GRAMD4: variants seen among roughly 807,000 people sequenced by gnomAD.
GRAMD4 encodes GRAM domain containing 4.
A neutral mutation model predicts 83.9 loss-of-function variants in GRAMD4; 25 were observed. The observed-to-expected ratio is 0.30, with a 90% CI of 0.22 to 0.42. GRAMD4 has a LOEUF of 0.42. Ranked by LOEUF, GRAMD4 falls within the 10% of genes least tolerant of loss-of-function variation. GRAMD4 has a pLI of 1.00. For missense variants in GRAMD4, 593 were observed against 788.7 expected (o/e 0.75, Z 2.97); for synonymous variants, 336 against 320.9 (o/e 1.05, Z -0.50).
chr22:46,666,952 G>A (rs772470304), intron 10 of GRAMD4, 79 bp downstream of exon 10: 93 of 1,042,072 alleles, frequency 8.9e-5, no homozygotes, highest in Non-Finnish European at 1.2e-4. Context: ...CACCGCTCGG[G>A]GAAGCCTCTG....
At chr22:46,644,281 A>ACACCTGTCCCTGTTCCG in intron 3 of GRAMD4, among the ~76,000 whole-genome samples, 1 of 147,828 alleles carries the variant, frequency 6.8e-6, no homozygotes, top group South Asian at 2.2e-4. Flanking sequence ...TCCCTGTTCC[A>ACACCTGTCCCTGTTCCG]TGTTACACCT....
chr22:46,668,819 C>T lies in GRAMD4; in HGVS notation c.995C>T (p.Pro332Leu). The change falls in exon 13 of 19, where the codon CCG becomes CTG. Residue 332 changes from proline (P) to leucine (L), a missense_variant. Transcript: ENST00000406902. The stretch of plus-strand genomic sequence containing the variant: ...TCCAGCTTGTTCATGTGGGTCCAGC[C>T]GGAGATCACACAGAAGCTGTATGTG... Reference protein sequence around the residue: ...KIKNLFMWVQPEITQKLYVAL... With the variant: ...KIKNLFMWVQLEITQKLYVAL... 1.2e-6 allele frequency: 2 copies of T among 1,609,650 alleles called. No homozygotes were observed. Among genetic ancestry groups the T allele is most frequent in the Non-Finnish European group, 1.7e-6 (2 of 1,177,684 alleles).
intron 3 of GRAMD4, among the ~76,000 whole-genome samples, chr22:46,639,436 G>T (rs1035023294): frequency 6.6e-6 from 1 of 150,920 alleles, no homozygotes; most frequent in African/African-American, 2.4e-5. Context: ...GTGTGTGTGT[G>T]TCTGCGTGTG....
downstream of GRAMD4, among the ~76,000 whole-genome samples, chr22:46,680,357 G>A (rs565050131): frequency 6.6e-6 from 1 of 151,978 alleles, no homozygotes; most frequent in Non-Finnish European, 1.5e-5. Context: ...AGCCTCCTGT[G>A]CCTCAAGCCC....
upstream of GRAMD4, among the ~76,000 whole-genome samples, chr22:46,618,756 GTGGA>G (rs2147128770): frequency 1.3e-5 from 2 of 152,310 alleles, no homozygotes; most frequent in African/African-American, 4.8e-5. The surrounding 1 kb of genome is among the most constrained non-coding windows in gnomAD (Gnocchi z 5.8). Context: ...GTGGGGAGAG[GTGGA>G]CAGATGTGCA....
rs572582131 is a variant in GRAMD4, at chr22:46,672,835, G to A, written c.1085-8G>A. On this transcript the variant is annotated splice_region_variant and splice_polypyrimidine_tract_variant and intron_variant, in intron 13 of 18. Transcript: ENST00000406902. This position sits in a 1 kb window ranked among gnomAD's most constrained non-coding sequence, Gnocchi z 4.7. The stretch of plus-strand genomic sequence containing the variant: ...CTAGATGGAGCAGGCTGTGTCCCCT[G>A]CCCTCAGGACTCTATGCTGGTATCA... 12 of 1,609,304 alleles carry A rather than the reference G, an allele frequency of 7.5e-6. No homozygotes were observed. The highest frequency in any genetic ancestry group is 1.3e-5 in the African/African-American group (1 of 74,948).
chr22:46,650,935 A>T (rs1016303650), intron 3 of GRAMD4, among the ~76,000 whole-genome samples: 28 of 152,084 alleles, frequency 1.8e-4, no homozygotes, highest in African/African-American at 6.5e-4. Flanking sequence ...GGGCACGCAG[A>T]GTGTCCCCTG....
chr22:46,629,821 C>T (rs946232786), intron 2 of GRAMD4, among the ~76,000 whole-genome samples: 2 of 152,206 alleles, frequency 1.3e-5, no homozygotes, highest in Non-Finnish European at 2.9e-5. Context: ...TTTCCCTTGG[C>T]CACCGGCCCC....
chr22:46,599,890 C>T (rs1423350901), intron 1 of GRAMD4, among the ~76,000 whole-genome samples: 1 of 151,842 alleles, frequency 6.6e-6, no homozygotes, highest in African/African-American at 2.4e-5. Flanking sequence ...GCTTTCCCCA[C>T]GTGGGGACTC....
chr22:46,599,104 C>T (rs1280987379), intron 1 of GRAMD4, among the ~76,000 whole-genome samples: 1 of 152,108 alleles, frequency 6.6e-6, no homozygotes, highest in Non-Finnish European at 1.5e-5. Flanking sequence ...ATCCCAAGTC[C>T]TTGACAGAAC....
At chr22:46,648,379 T>G (rs1435978472) in intron 3 of GRAMD4, among the ~76,000 whole-genome samples, 1 of 146,886 alleles carries the variant, frequency 6.8e-6, no homozygotes, top group African/African-American at 2.6e-5. Context: ...AGTGGATGGA[T>G]AGATGGGTGG....
chr22:46,594,418 C>T (rs2081240762), intron 1 of GRAMD4, among the ~76,000 whole-genome samples: 2 of 152,142 alleles, frequency 1.3e-5, no homozygotes, highest in Admixed American at 1.3e-4. Context: ...AATGCAAGCA[C>T]ATGGGTGTGA....
Position 46,620,621 on chromosome 22 carries a change from G to A in GRAMD4, c.-50+56G>A. On this transcript the variant is annotated intron_variant, in intron 1 of 18. Coordinates refer to ENST00000406902, the MANE Select transcript of GRAMD4 (RefSeq NM_015124.5). This position sits in a 1 kb window ranked among gnomAD's most constrained non-coding sequence, Gnocchi z 4.7. ...CATGGTAGGGCCCATCTGAGTGGAA[G>A]CCCCAGCCTTGGGAAAAGCTGCTAC... The A allele has an allele frequency of 1.5e-6, 1 of 673,528 alleles. No individual in the cohort carries two copies. The highest frequency in any genetic ancestry group is 1.8e-6 in the Non-Finnish European group (1 of 543,806). 41.7% of individuals were successfully genotyped at this position (673,528 alleles called of 1,614,324 possible).
intron 1 of GRAMD4, among the ~76,000 whole-genome samples, chr22:46,623,481 G>T (rs1449231377): frequency 6.6e-6 from 1 of 152,002 alleles, no homozygotes; most frequent in African/African-American, 2.4e-5. Context: ...TCCGCCTCCC[G>T]GGTTCATGCC....
At chr22:46,658,353 A>AACC in intron 4 of GRAMD4, 46 bp downstream of exon 4, 3 of 1,496,350 alleles carry the variant, frequency 2.0e-6, no homozygotes, top group Non-Finnish European at 2.7e-6. Context: ...GGCTGCCCCA[A>AACC]CCCCCCACCC....
At chr22:46,637,129 G>C (rs1209930337) in intron 2 of GRAMD4, among the ~76,000 whole-genome samples, 1 of 152,186 alleles carries the variant, frequency 6.6e-6, no homozygotes, top group Non-Finnish European at 1.5e-5. Flanking sequence ...TGAGGTGTGA[G>C]GGCCTGGCTC....
upstream of GRAMD4, among the ~76,000 whole-genome samples, chr22:46,619,437 C>T (rs1052428829): frequency 1.3e-5 from 2 of 152,278 alleles, no homozygotes; most frequent in East Asian, 3.9e-4. Context: ...CCCAGGTTCC[C>T]AGGCGATCCT....
chr22:46,646,571 T>C (rs150764113), intron 3 of GRAMD4, among the ~76,000 whole-genome samples: 453 of 152,342 alleles, frequency 3.0e-3, no homozygotes, highest in African/African-American at 0.011. Context: ...TCTGGGGAGC[T>C]GCCAGCTCCC....
downstream of GRAMD4, among the ~76,000 whole-genome samples, chr22:46,680,725 C>CCCATCCATCCACCCACCCATCCAT (rs2082662849): frequency 2.8e-5 from 3 of 105,696 alleles, no homozygotes; most frequent in African/African-American, 7.9e-5. Context: ...CACCCACCCA[C>CCCATCCATCCACCCACCCATCCAT]CCATCCATCC....
Sources: allele counts gnomAD v4.1 joint callset (sites outside exome capture counted in the v4.1 genomes callset), GRCh38; gene constraint gnomAD v4.1.1; non-coding constraint Gnocchi (gnomAD v3.1); transcripts MANE v1.5; gene names NCBI Gene and HGNC (gene_info 2026-07-23, HGNC 2026-07-21).